Variants in EMSY observed in about 807,000 individuals in gnomAD.
EMSY encodes EMSY transcriptional repressor, BRCA2 interacting, also known as BRCA2-interacting transcriptional repressor EMSY.
A neutral mutation model predicts 134.6 loss-of-function variants in EMSY; 26 were observed. The observed-to-expected ratio is 0.19, with a 90% CI of 0.14 to 0.27. EMSY has a LOEUF of 0.27. Ranked by LOEUF, EMSY falls within the 10% of genes least tolerant of loss-of-function variation. The pLI, the probability that EMSY is intolerant of heterozygous loss-of-function variation, is 1.00. For synonymous variants in EMSY, 579 were observed against 577.8 expected (o/e 1.00, Z -0.03); for missense variants, 1,305 against 1,611.4 (o/e 0.81, Z 3.26).
intron 8 of EMSY, among the ~76,000 whole-genome samples, chr11:76,489,504 T>C (rs189467436): frequency 5.3e-5 from 8 of 152,242 alleles, no homozygotes; most frequent in Non-Finnish European, 1.0e-4. Flanking sequence ...TTCCTTTTTA[T>C]CTCTGGTAAC....
chr11:76,542,344 G>A, exon 18 of EMSY: 1 of 1,614,166 alleles, frequency 6.2e-7, no homozygotes. Flanking sequence ...TTCCCCTGGA[G>A]CAATCACCCA....
chr11:76,464,612 C>T (rs1948275944), intron 7 of EMSY, among the ~76,000 whole-genome samples: 1 of 152,216 alleles, frequency 6.6e-6, no homozygotes. Context: ...TTAGACCCCT[C>T]TGTCTTCCCA....
chr11:76,446,353 A>ATATATATG (rs1947405836), intron 1 of EMSY, among the ~76,000 whole-genome samples: 1 of 149,160 alleles, frequency 6.7e-6, no homozygotes, highest in African/African-American at 2.5e-5. Context: ...ATATGTGTAT[A>ATATATATG]TATATATATG....
intron 14 of EMSY, among the ~76,000 whole-genome samples, chr11:76,529,648 A>ATTTC (rs375024001): frequency 0.011 from 1,626 of 152,306 alleles, 29 homozygotes; most frequent in African/African-American, 0.035. Context: ...AAAGACTGAA[A>ATTTC]GTTGACATGC....
At chr11:76,523,246 A>G (rs2136282029) in exon 12 of EMSY, 1 of 1,613,778 alleles carries the variant, frequency 6.2e-7, no homozygotes. Flanking sequence ...CGACCATTCA[A>G]GGCCTCCCGG....
At chr11:76,507,353 C>T (rs1464399798) in intron 9 of EMSY, among the ~76,000 whole-genome samples, 1 of 152,154 alleles carries the variant, frequency 6.6e-6, no homozygotes, top group Non-Finnish European at 1.5e-5. Flanking sequence ...ATTTTTCCTT[C>T]TGTAAAAGAT....
chr11:76,478,446 C>T (rs1411848848), intron 8 of EMSY, among the ~76,000 whole-genome samples: 7 of 150,094 alleles, frequency 4.7e-5, no homozygotes, highest in South Asian at 4.2e-4. Context: ...CAGGTTCAAG[C>T]GATTCTCCTG....
chr11:76,493,857 C>G (rs1208720114), intron 8 of EMSY, among the ~76,000 whole-genome samples: 2 of 152,204 alleles, frequency 1.3e-5, no homozygotes, highest in Non-Finnish European at 2.9e-5. Flanking sequence ...GTAACACAAA[C>G]AGGGCTGAAA....
At chr11:76,506,941 A>G (rs1950102039) in intron 9 of EMSY, among the ~76,000 whole-genome samples, 1 of 152,234 alleles carries the variant, frequency 6.6e-6, no homozygotes, top group South Asian at 2.1e-4. Flanking sequence ...AAACAACCTT[A>G]CAGGGGATTC....
chr11:76,446,321 GTGTA>G (rs1428297631), intron 1 of EMSY, among the ~76,000 whole-genome samples: 15 of 110,114 alleles, frequency 1.4e-4, no homozygotes, highest in Admixed American at 4.9e-4. Flanking sequence ...ATGTGTGTGT[GTGTA>G]TATATATATG....
intron 15 of EMSY, among the ~76,000 whole-genome samples, chr11:76,537,090 G>A (rs1951251172): frequency 6.6e-6 from 1 of 152,032 alleles, no homozygotes. Context: ...GATTTCTTCG[G>A]TTCTTTGTCG....
At chr11:76,460,731 G>A (rs1948076286) in intron 6 of EMSY, 1 of 152,030 alleles carries the variant, frequency 6.6e-6, no homozygotes, top group Non-Finnish European at 1.5e-5. Context: ...TGTAATCCTA[G>A]CACTTTGGGA....
At chr11:76,481,146 C>T (rs1217426224) in intron 8 of EMSY, among the ~76,000 whole-genome samples, 2 of 152,174 alleles carry the variant, frequency 1.3e-5, no homozygotes, top group Non-Finnish European at 2.9e-5. Flanking sequence ...CGGGTTCACA[C>T]CATTCTCCTG....
At chr11:76,513,676 C>G in intron 10 of EMSY, 141 bp downstream of exon 11, 1 of 786,886 alleles carries the variant, frequency 1.3e-6, no homozygotes, top group Non-Finnish European at 1.9e-6. Context: ...TTCTCACACC[C>G]CTACTGACTG....
exon 8 of EMSY, chr11:76,472,609 A>G: frequency 6.2e-7 from 1 of 1,614,036 alleles, no homozygotes; most frequent in Non-Finnish European, 8.5e-7. Context: ...CGTGCCCAAC[A>G]TTCTCTCCAA....
intron 8 of EMSY, among the ~76,000 whole-genome samples, chr11:76,486,492 C>T (rs180746902): frequency 1.3e-4 from 20 of 152,200 alleles, no homozygotes; most frequent in African/African-American, 3.6e-4. Context: ...TGACGGATGC[C>T]GTATATGCTG....
intron 9 of EMSY, among the ~76,000 whole-genome samples, chr11:76,500,934 G>A (rs138533332): frequency 1.1e-4 from 16 of 152,296 alleles, no homozygotes; most frequent in South Asian, 4.1e-4. Flanking sequence ...CTCAGTATCC[G>A]TGGAAGATTG....
chr11:76,496,126 C>A (rs891875160), intron 8 of EMSY, 89 bp from the exon 10 acceptor site: 2 of 1,394,562 alleles, frequency 1.4e-6, no homozygotes, highest in Non-Finnish European at 1.9e-6. Flanking sequence ...TTTCCCTATT[C>A]TTTAAACTAT....
intron 8 of EMSY, among the ~76,000 whole-genome samples, chr11:76,485,461 A>G (rs1949140026): frequency 6.6e-6 from 1 of 152,228 alleles, no homozygotes; most frequent in African/African-American, 2.4e-5. Context: ...GCTTATCTCA[A>G]TAGATACAGA....
Sources: gnomAD v4.1 joint callset for allele counts (sites outside exome capture counted in the v4.1 genomes callset) on GRCh38, gnomAD v4.1.1 for gene constraint, MANE v1.5 for transcripts, NCBI Gene and HGNC (gene_info 2026-07-23, HGNC 2026-07-21) for gene names.